Variants in AFAP1L2 observed in about 807,000 individuals in gnomAD.
AFAP1L2 encodes actin filament-associated protein 1-like 2.
AFAP1L2 carries 46 observed loss-of-function variants against 99.3 expected under a neutral mutation model. The observed-to-expected ratio is 0.46, with a 90% confidence interval of 0.37 to 0.59. The LOEUF (loss-of-function observed/expected upper bound fraction) is 0.59. Ranked by LOEUF, AFAP1L2 falls within the 20% of genes least tolerant of loss-of-function variation. AFAP1L2 has a pLI of 0.00. For missense variants in AFAP1L2, 959 were observed against 1,034.9 expected (o/e 0.93, Z 1.01); for synonymous variants, 397 against 419.1 (o/e 0.95, Z 0.64).
intron 10 of AFAP1L2, among the ~76,000 whole-genome samples, chr10:114,306,362 T>TGCAGGAGGGGAC (rs2042438197): frequency 2.6e-5 from 1 of 38,654 alleles, no homozygotes. Flanking sequence ...CAGGAGGGGA[T>TGCAGGAGGGGAC]GCGGGGGCAG....
Position 114,299,325 on chromosome 10 carries a change from C to T in AFAP1L2, c.2048G>A (p.Arg683Gln), listed in dbSNP as rs780662499. The T allele has an allele frequency of 2.0e-5, 32 of 1,614,090 alleles. No individual in the cohort carries two copies. Among genetic ancestry groups the T allele is most frequent in the Non-Finnish European group, 2.5e-5 (29 of 1,180,038 alleles). ...ERLEKKKEEI[R>Q]GHLAQLRKEK... The stretch of plus-strand genomic sequence containing the variant: ...TTTCCGGAGCTGAGCCAGGTGCCCC[C>T]GGATTTCTTCCTTCTTCTTTTCAAG... Residue 683 changes from arginine (R) to glutamine (Q), a missense_variant, in exon 16 of 19, where the codon CGG (arginine) becomes CAG (glutamine). Transcript: ENST00000304129.
At chr10:114,324,398 C>CA (rs1202265855) in intron 4 of AFAP1L2, among the ~76,000 whole-genome samples, 4 of 4,856 alleles carry the variant, frequency 8.2e-4, no homozygotes, top group Admixed American at 5.6e-3. Flanking sequence ...GGTGCACCAC[C>CA]CCCCCCCCCC....
chr10:114,332,349 G>A (rs2047361803), intron 3 of AFAP1L2, among the ~76,000 whole-genome samples: 1 of 152,250 alleles, frequency 6.6e-6, no homozygotes, highest in Non-Finnish European at 1.5e-5. Context: ...GGCAGGAAGT[G>A]AAGGAGCCAC....
At chr10:114,338,675 C>G (rs1443894058) in intron 2 of AFAP1L2, among the ~76,000 whole-genome samples, 1 of 152,220 alleles carries the variant, frequency 6.6e-6, no homozygotes, top group South Asian at 2.1e-4. Context: ...ATACAGTACA[C>G]ATCGTATGAA....
intron 1 of AFAP1L2, among the ~76,000 whole-genome samples, chr10:114,373,810 C>T (rs2054455435): frequency 6.6e-6 from 1 of 152,112 alleles, no homozygotes; most frequent in Non-Finnish European, 1.5e-5. Flanking sequence ...CCCTTGTCCC[C>T]CTCTTGAAGT....
At chr10:114,285,326 G>C in the AFAP1L2 span, among the ~76,000 whole-genome samples, 1 of 152,194 alleles carries the variant, frequency 6.6e-6, no homozygotes, top group African/African-American at 2.4e-5. Flanking sequence ...GCAGAGCAAG[G>C]AGCCCCGATT....
intron 11 of AFAP1L2, 25 bp downstream of exon 11, chr10:114,304,694 T>C: frequency 6.3e-7 from 1 of 1,577,334 alleles, no homozygotes; most frequent in Non-Finnish European, 8.6e-7. Context: ...TGGCTGGCCC[T>C]GCTCCCCCTG....
intron 4 of AFAP1L2, among the ~76,000 whole-genome samples, chr10:114,330,861 C>T (rs2047131001): frequency 6.6e-6 from 1 of 152,216 alleles, no homozygotes; most frequent in African/African-American, 2.4e-5. Context: ...GTAAACAAGA[C>T]TTCCAGTAGC....
chr10:114,404,210 C>T (rs1030112114), intron 1 of AFAP1L2, among the ~76,000 whole-genome samples: 1 of 152,190 alleles, frequency 6.6e-6, no homozygotes, highest in African/African-American at 2.4e-5. Flanking sequence ...ACGACCCCCT[C>T]CTTCCGCGCC....
chr10:114,374,447 TG>T, intron 1 of AFAP1L2, among the ~76,000 whole-genome samples: 1 of 152,176 alleles, frequency 6.6e-6, no homozygotes. Context: ...GATCCTGCCC[TG>T]GAGCCTCTTC....
In AFAP1L2 at chr10:114,315,877, G is replaced by A. The variant is rs578209662; in HGVS notation, c.407-112C>T. 276 of 1,057,186 alleles carry A rather than the reference G, an allele frequency of 2.6e-4. 1 individual carries two copies. In the African/African-American group the frequency reaches 3.1e-3, roughly 12 times the overall value. The allele number at this position is 1,057,186 out of a possible 1,614,324, so 65.5% of individuals were successfully genotyped here. On this transcript the variant is annotated intron_variant, in intron 5 of 18. Coordinates refer to ENST00000304129, the MANE Select transcript of AFAP1L2 (RefSeq NM_001001936.3). ...CAGCAGCAGCCAGACCACAGCCCCCGACTCTCCCTGCCCTCAAAGCAGCCC... is the reference window on the plus strand; with the variant it reads ...CAGCAGCAGCCAGACCACAGCCCCCAACTCTCCCTGCCCTCAAAGCAGCCC...
At chr10:114,394,047 C>T (rs181525941) in intron 1 of AFAP1L2, among the ~76,000 whole-genome samples, 183 of 152,246 alleles carry the variant, frequency 1.2e-3, no homozygotes, top group African/African-American at 4.0e-3. Context: ...TGGTGGTCAG[C>T]GAGTCACAGC....
chr10:114,342,750 T>C (rs925780449), intron 1 of AFAP1L2, among the ~76,000 whole-genome samples: 10 of 152,194 alleles, frequency 6.6e-5, no homozygotes, highest in Admixed American at 5.9e-4. Flanking sequence ...CAGATTCTGA[T>C]CTCCAGAACT....
chr10:114,404,268 C>T (rs2058514771), intron 1 of AFAP1L2, among the ~76,000 whole-genome samples, 172 bp downstream of exon 1: 1 of 152,210 alleles, frequency 6.6e-6, no homozygotes. Context: ...AGGAGCCCAC[C>T]CGCCCAGTCC....
rs546964843 is a variant in AFAP1L2 at position 114,295,213 on chromosome 10, C to T, written c.*829G>A. ...TCTTCCCTTAAAAATGGCCTGACCACAGCAATGAATCTGTAAACACAGAGT... is the reference window on the plus strand; with the variant it reads ...TCTTCCCTTAAAAATGGCCTGACCATAGCAATGAATCTGTAAACACAGAGT... On this transcript the variant is annotated 3_prime_UTR_variant, in exon 19 of 19. Coordinates refer to ENST00000304129, the MANE Select transcript of AFAP1L2 (RefSeq NM_001001936.3). 9.3e-5 allele frequency: 92 copies of T among 985,720 alleles called. 1 individual carries two copies. The South Asian group carries it at 2.4e-3, about 26-fold the overall frequency. The allele number at this position is 985,720 out of a possible 1,614,324, so 61.1% of individuals were successfully genotyped here. A position where few individuals can be genotyped will look rare whatever the true frequency, so the allele number is the denominator to read the frequency against.
intron 8 of AFAP1L2, among the ~76,000 whole-genome samples, chr10:114,310,072 C>T (rs1161303163): frequency 4.6e-5 from 7 of 152,106 alleles, no homozygotes; most frequent in South Asian, 4.2e-4. Context: ...GGATTACAGG[C>T]GCCCACCACC....
chr10:114,286,335 C>A, the AFAP1L2 span: 1 of 1,612,882 alleles, frequency 6.2e-7, no homozygotes, highest in Non-Finnish European at 8.5e-7. Context: ...GCGGGCCCAG[C>A]GCGTCACGCA....
intron 3 of AFAP1L2, among the ~76,000 whole-genome samples, chr10:114,332,305 G>T (rs952812049): frequency 6.6e-6 from 1 of 152,204 alleles, no homozygotes; most frequent in Admixed American, 6.5e-5. Context: ...AACCTCATCT[G>T]GATGAGCTCT....
At chr10:114,375,842 C>G (rs2054724693) in intron 1 of AFAP1L2, among the ~76,000 whole-genome samples, 1 of 152,212 alleles carries the variant, frequency 6.6e-6, no homozygotes, top group East Asian at 1.9e-4. Flanking sequence ...CAGGCATAGT[C>G]CCAGCTACAC....
Sources: gnomAD v4.1 joint callset for allele counts (sites outside exome capture counted in the v4.1 genomes callset) on GRCh38, gnomAD v4.1.1 for gene constraint, MANE v1.5 for transcripts, NCBI Gene and HGNC (gene_info 2026-07-23, HGNC 2026-07-21) for gene names.